USP24: variants seen among roughly 807,000 people sequenced by gnomAD.
USP24 encodes ubiquitin specific peptidase 24, also known as ubiquitin carboxyl-terminal hydrolase 24.
USP24 carries 97 observed loss-of-function variants against 361.6 expected under a neutral mutation model. The ratio of observed to expected loss-of-function variants is 0.27; its 90% CI spans 0.23 to 0.32. The LOEUF (loss-of-function observed/expected upper bound fraction) is 0.32, where lower values mean the gene tolerates loss of function less well. Among genes scored for constraint, USP24 ranks in the 10% least tolerant of loss-of-function variants. The pLI, the probability that USP24 is intolerant of heterozygous loss-of-function variation, is 1.00. For missense variants in USP24, 2,353 were observed against 3,165.6 expected, an observed-to-expected ratio of 0.74 and a Z score of 6.16; for synonymous variants, 1,098 against 1,124.6, an observed-to-expected ratio of 0.98 and a Z score of 0.47.
At chr1:55,193,310 A>G (rs1644336874) in intron 1 of USP24, among the ~76,000 whole-genome samples, 1 of 152,200 alleles carries the variant, frequency 6.6e-6, no homozygotes, top group Non-Finnish European at 1.5e-5. Context: ...AGGTGGATAC[A>G]GATTTTGGTA....
intron 5 of USP24, among the ~76,000 whole-genome samples, chr1:55,168,022 T>C (rs879300840): frequency 6.6e-6 from 1 of 151,834 alleles, no homozygotes; most frequent in African/African-American, 2.4e-5. Flanking sequence ...TTAAATCCAT[T>C]AGAGAAAGTG....
Position 55,134,558 on chromosome 1 carries a change from C to A in USP24, c.3202-145G>T, listed in dbSNP as rs917992459. On this transcript the variant is annotated intron_variant, in intron 28 of 67. Coordinates refer to ENST00000294383, the MANE Select transcript of USP24 (RefSeq NM_015306.3). ...GAGGGAAGCACAGTGCTCGTCTGTA[C>A]TGAAGAACACCACATGGTAACATAT... is the stretch of plus-strand genomic sequence containing the variant. The A allele has an allele frequency of 5.1e-5, 34 of 664,998 alleles. No individual in the cohort carries two copies. In the African/African-American group the frequency reaches 6.0e-4, roughly 12 times the overall value. 41.2% of individuals were successfully genotyped at this position (664,998 alleles called of 1,614,324 possible). A position where few individuals can be genotyped will look rare whatever the true frequency, so the allele number is the denominator to read the frequency against.
At chr1:55,141,511 TA>T in intron 24 of USP24, 104 bp downstream of exon 24, 1 of 1,021,558 alleles carries the variant, frequency 9.8e-7, no homozygotes, top group South Asian at 1.5e-5. Flanking sequence ...AAAATTATGA[TA>T]TAAAATGAGG....
intron 24 of USP24, among the ~76,000 whole-genome samples, chr1:55,139,829 C>T (rs1304524773): frequency 2.0e-5 from 3 of 152,094 alleles, no homozygotes; most frequent in African/African-American, 4.8e-5. Flanking sequence ...ATATACTTAA[C>T]AGAGTTCTAA....
At chr1:55,096,668 A>G in intron 49 of USP24, 46 bp from the exon 50 acceptor site, 1 of 1,582,394 alleles carries the variant, frequency 6.3e-7, no homozygotes, top group Non-Finnish European at 8.6e-7. Context: ...AAAAAAATCA[A>G]CCTCCTCATC....
chr1:55,136,810 C>A (rs973952814), intron 28 of USP24, among the ~76,000 whole-genome samples: 1 of 152,002 alleles, frequency 6.6e-6, no homozygotes, highest in African/African-American at 2.4e-5. Flanking sequence ...GAGCTCAATT[C>A]GGGATAAATT....
chr1:55,209,086 TA>T (rs1055466142), intron 1 of USP24, among the ~76,000 whole-genome samples: 2 of 150,542 alleles, frequency 1.3e-5, no homozygotes, highest in African/African-American at 4.9e-5. Context: ...AATACAAGCT[TA>T]AAAAAGGAAG....
intron 5 of USP24, among the ~76,000 whole-genome samples, 194 bp downstream of exon 5, chr1:55,171,359 CATG>C (rs1466119178): frequency 2.0e-5 from 3 of 152,144 alleles, no homozygotes; most frequent in Middle Eastern, 3.4e-3. Flanking sequence ...TAAAATTCTT[CATG>C]ATATTAGTTA....
rs1644825967 is a variant in USP24, at chr1:55,066,395, C to G, written c.*2650G>C. ...AAAATTTATTTTATACTCTTAGAAGCTAAGAACTTTGCCACACATGAACCA... is the reference window on the plus strand; with the variant it reads ...AAAATTTATTTTATACTCTTAGAAGGTAAGAACTTTGCCACACATGAACCA... On this transcript the variant is annotated 3_prime_UTR_variant, in exon 68 of 68. Transcript: ENST00000294383. 1 of 152,202 alleles carries G rather than the reference C, an allele frequency of 6.6e-6. No individual in the cohort carries two copies. The highest frequency in any genetic ancestry group is 1.5e-5 in the Non-Finnish European group (1 of 68,040). The allele number at this position is 152,202 out of a possible 1,614,324, so 9.4% of individuals were successfully genotyped here. A position where few individuals can be genotyped will look rare whatever the true frequency, so the allele number is the denominator to read the frequency against.
rs546705394 is a variant in USP24 at position 55,117,660 on chromosome 1, C to T, written c.4508+2936G>A. Among the ~76,000 whole-genome samples the T allele has an allele frequency of 4.4e-4, 59 of 133,702 alleles. No individual in the cohort carries two copies. In the East Asian group the frequency reaches 4.7e-3, roughly 11 times the overall value. The allele number at this position is 133,702 out of a possible 152,430, so 87.7% of individuals were successfully genotyped here. A position where few individuals can be genotyped will look rare whatever the true frequency, so the allele number is the denominator to read the frequency against. ...GGAGAATGGCGTGAACCCGGGAAGC[C>T]GGGAAGCGGAGCTTGCAGTGAGCCG... On this transcript the variant is annotated intron_variant, in intron 38 of 67. Transcript: ENST00000294383.
At chr1:55,126,631 G>A (rs1646437707) in intron 32 of USP24, among the ~76,000 whole-genome samples, 1 of 152,212 alleles carries the variant, frequency 6.6e-6, no homozygotes, top group South Asian at 2.1e-4. Context: ...CCTGTAAATG[G>A]CTGAGTGATG....
chr1:55,136,157 A>G (rs1646729166), intron 28 of USP24, among the ~76,000 whole-genome samples: 1 of 152,202 alleles, frequency 6.6e-6, no homozygotes, highest in African/African-American at 2.4e-5. Flanking sequence ...TCTAGACAAG[A>G]CAGTCAGAGA....
intron 63 of USP24, 22 bp from the exon 64 acceptor site, chr1:55,073,928 T>C (rs765795640): frequency 4.5e-6 from 7 of 1,551,388 alleles, no homozygotes; most frequent in Non-Finnish European, 6.1e-6. Context: ...GAAAAGGACA[T>C]TTTAACAATA....
intron 2 of USP24, among the ~76,000 whole-genome samples, chr1:55,176,651 G>A (rs1317046381): frequency 1.3e-5 from 2 of 152,086 alleles, no homozygotes; most frequent in African/African-American, 4.8e-5. Flanking sequence ...CTTTGATGAA[G>A]GAAAGGCTGA....
intron 1 of USP24, among the ~76,000 whole-genome samples, chr1:55,203,689 C>T (rs1003832890): frequency 6.6e-6 from 1 of 152,206 alleles, no homozygotes; most frequent in Non-Finnish European, 1.5e-5. Flanking sequence ...AATTCCTCTA[C>T]CACAGGCATG....
intron 38 of USP24, among the ~76,000 whole-genome samples, chr1:55,116,594 C>T (rs998547252): frequency 6.6e-5 from 10 of 151,696 alleles, no homozygotes; most frequent in Non-Finnish European, 1.5e-5. Flanking sequence ...CAACACAAAA[C>T]CTACCACGAT....
intron 38 of USP24, among the ~76,000 whole-genome samples, chr1:55,114,399 T>C (rs1038701980): frequency 5.3e-5 from 8 of 152,146 alleles, no homozygotes; most frequent in Admixed American, 5.2e-4. Flanking sequence ...CTACTTTAAA[T>C]TTCATATGGA....
intron 55 of USP24, among the ~76,000 whole-genome samples, chr1:55,088,814 C>G (rs1645308532): frequency 6.6e-6 from 1 of 152,114 alleles, no homozygotes; most frequent in African/African-American, 2.4e-5. Context: ...TGTAAACATT[C>G]ATAGTGATTG....
chr1:55,123,308 T>C, intron 36 of USP24, 139 bp downstream of exon 36: 2 of 965,536 alleles, frequency 2.1e-6, no homozygotes. Context: ...AGCATTATTC[T>C]TAGCTACGCC....
Sources: allele counts gnomAD v4.1 joint callset (sites outside exome capture counted in the v4.1 genomes callset), GRCh38; gene constraint gnomAD v4.1.1; transcripts MANE v1.5; gene names NCBI Gene and HGNC (gene_info 2026-07-23, HGNC 2026-07-21).